Variants in ZNF385D observed in about 807,000 individuals in gnomAD.
The protein encoded by ZNF385D is zinc finger protein 659.
In ZNF385D, 15 loss-of-function variants were observed where a neutral mutation model predicts 35.8. The observed-to-expected ratio is 0.42, with a 90% CI of 0.28 to 0.64. The LOEUF (loss-of-function observed/expected upper bound fraction) is 0.64. ZNF385D is among the 30% of genes least tolerant of loss of function. The probability of loss-of-function intolerance (pLI) is 0.23; values close to 1 mark genes in which losing one functional copy is unlikely to be tolerated. For missense variants in ZNF385D, 474 were observed against 494.6 expected, an observed-to-expected ratio of 0.96 and a Z score of 0.39; for synonymous variants, 212 against 186.8, an observed-to-expected ratio of 1.13 and a Z score of -1.10.
chr3:22,126,415 C>G (rs1459266449), intron 3 of ZNF385D, among the ~76,000 whole-genome samples: 2 of 145,144 alleles, frequency 1.4e-5, no homozygotes, highest in Non-Finnish European at 3.0e-5. Flanking sequence ...TCATTTACCT[C>G]AAGGAATTTT....
At chr3:22,317,913 T>C (rs541765605) in intron 2 of ZNF385D, among the ~76,000 whole-genome samples, 1 of 151,978 alleles carries the variant, frequency 6.6e-6, no homozygotes, top group African/African-American at 2.4e-5. Context: ...ATACAAAAAT[T>C]AGCCAGGCAT....
At chr3:21,603,295 G>C (rs2064373228) in intron 2 of ZNF385D, among the ~76,000 whole-genome samples, 1 of 152,206 alleles carries the variant, frequency 6.6e-6, no homozygotes, top group East Asian at 1.9e-4. Flanking sequence ...ATGCACATTA[G>C]TGCGACAGTT....
chr3:21,537,260 G>A (rs1371205769), intron 3 of ZNF385D, among the ~76,000 whole-genome samples: 7 of 149,728 alleles, frequency 4.7e-5, no homozygotes, highest in Non-Finnish European at 8.9e-5. Flanking sequence ...AGCCTCCCAA[G>A]TAGCTGGGAT....
chr3:21,569,946 T>G (rs2063280243), intron 2 of ZNF385D, among the ~76,000 whole-genome samples: 1 of 150,616 alleles, frequency 6.6e-6, no homozygotes. Context: ...TTAGGAGATA[T>G]ACCTAATGCT....
intron 3 of ZNF385D, among the ~76,000 whole-genome samples, chr3:21,856,142 C>A (rs1696700434): frequency 1.3e-5 from 2 of 151,964 alleles, no homozygotes; most frequent in African/African-American, 2.4e-5. Flanking sequence ...GCTATAATCT[C>A]CAAGATAAAT....
chr3:21,733,797 T>C (rs976665282), intron 1 of ZNF385D, among the ~76,000 whole-genome samples: 42 of 152,194 alleles, frequency 2.8e-4, no homozygotes, highest in African/African-American at 9.2e-4. Flanking sequence ...CTTTACTTAT[T>C]TGTCTAAATG....
chr3:22,048,042 T>C (rs1699113151), intron 3 of ZNF385D, among the ~76,000 whole-genome samples: 1 of 152,192 alleles, frequency 6.6e-6, no homozygotes, highest in Non-Finnish European at 1.5e-5. Context: ...TTCTATGTCT[T>C]CTTTTGAGAA....
intron 3 of ZNF385D, among the ~76,000 whole-genome samples, chr3:22,123,718 G>A (rs951172297): frequency 3.9e-5 from 6 of 152,152 alleles, no homozygotes; most frequent in Non-Finnish European, 8.8e-5. Flanking sequence ...AAAATTAGCT[G>A]GGTGTGGTGG....
intron 3 of ZNF385D, among the ~76,000 whole-genome samples, chr3:21,883,862 T>A (rs1322527957): frequency 6.6e-6 from 1 of 152,014 alleles, no homozygotes; most frequent in Non-Finnish European, 1.5e-5. Flanking sequence ...ATCAGAACAA[T>A]CGGTCTGAGA....
At chr3:22,114,270 A>G (rs1388088443) in intron 3 of ZNF385D, among the ~76,000 whole-genome samples, 1 of 152,088 alleles carries the variant, frequency 6.6e-6, no homozygotes, top group East Asian at 1.9e-4. Context: ...TTGGTGAAAT[A>G]TAAATGATTC....
At chr3:22,107,776 A>C (rs768068929) in intron 3 of ZNF385D, among the ~76,000 whole-genome samples, 2 of 152,072 alleles carry the variant, frequency 1.3e-5, no homozygotes, top group Non-Finnish European at 2.9e-5. Flanking sequence ...TAAATTTTAC[A>C]TCCATATGTA....
At chr3:22,219,595 C>T (rs1001028359) in intron 2 of ZNF385D, among the ~76,000 whole-genome samples, 4 of 152,020 alleles carry the variant, frequency 2.6e-5, no homozygotes, top group African/African-American at 7.2e-5. Context: ...ATCTGAAACC[C>T]GTAGGACTAG....
At chr3:21,597,644 G>A (rs1431791193) in intron 2 of ZNF385D, among the ~76,000 whole-genome samples, 3 of 144,302 alleles carry the variant, frequency 2.1e-5, no homozygotes, top group East Asian at 2.0e-4. Context: ...GCAATTACAC[G>A]TGAAAATAGA....
At chr3:21,833,495 C>T (rs1013017164) in intron 3 of ZNF385D, among the ~76,000 whole-genome samples, 1 of 152,144 alleles carries the variant, frequency 6.6e-6, no homozygotes, top group African/African-American at 2.4e-5. Flanking sequence ...TCATCAGAAT[C>T]TAGAAGAGGC....
At chr3:22,353,177 G>T (rs984237325) in intron 2 of ZNF385D, among the ~76,000 whole-genome samples, 1 of 152,166 alleles carries the variant, frequency 6.6e-6, no homozygotes, top group African/African-American at 2.4e-5. Context: ...TAAATCCACA[G>T]GCCTGCCAGA....
intron 2 of ZNF385D, among the ~76,000 whole-genome samples, chr3:22,305,350 C>T (rs1219668239): frequency 1.3e-5 from 2 of 152,192 alleles, no homozygotes; most frequent in African/African-American, 4.8e-5. Context: ...TTCACTCATC[C>T]TTGCATGAAT....
intron 3 of ZNF385D, among the ~76,000 whole-genome samples, chr3:21,969,076 C>A (rs1384626103): frequency 6.6e-6 from 1 of 152,094 alleles, no homozygotes; most frequent in Admixed American, 6.5e-5. Flanking sequence ...TAACAGCCAG[C>A]AGTAATCTCC....
intron 2 of ZNF385D, among the ~76,000 whole-genome samples, chr3:22,341,033 T>TC (rs1318568053): frequency 6.6e-6 from 1 of 152,184 alleles, no homozygotes; most frequent in African/African-American, 2.4e-5. Context: ...GCAAGCAAGG[T>TC]CTTTCAAAAC....
chr3:22,292,881 C>T (rs1702373872), intron 2 of ZNF385D, among the ~76,000 whole-genome samples: 1 of 152,174 alleles, frequency 6.6e-6, no homozygotes, highest in South Asian at 2.1e-4. Flanking sequence ...GTAATTGTCC[C>T]AGTTCCAGAT....
Sources: gnomAD v4.1 joint callset for allele counts (sites outside exome capture counted in the v4.1 genomes callset) on GRCh38, gnomAD v4.1.1 for gene constraint, MANE v1.5 for transcripts, NCBI Gene and HGNC (gene_info 2026-07-23, HGNC 2026-07-21) for gene names.